The following OOSP1 variants were observed in gnomAD, a reference collection of about 807,000 sequenced individuals.
OOSP1 encodes putative oocyte-secreted protein 1 homolog.
A neutral mutation model predicts 5.7 loss-of-function variants in OOSP1; 11 were observed. The observed-to-expected ratio is 1.94, with a 90% CI of 1.22 to 3.20. The LOEUF is 3.20. OOSP1 is among the 30% of genes most tolerant of loss of function. The pLI is 0.00. For synonymous variants in OOSP1, 44 were observed against 20.0 expected, an observed-to-expected ratio of 2.20 and a Z score of -3.20; for missense variants, 83 against 54.1, an observed-to-expected ratio of 1.53 and a Z score of -1.67.
At chr11:59,950,310 A>G (rs998246107) in intron 4 of OOSP1, among the ~76,000 whole-genome samples, 2 of 152,172 alleles carry the variant, frequency 1.3e-5, no homozygotes, top group African/African-American at 4.8e-5. Flanking sequence ...TTGAATATAG[A>G]GGTCTAGAGT....
chr11:59,949,384 C>T (rs571083931), intron 4 of OOSP1, among the ~76,000 whole-genome samples: 1 of 151,780 alleles, frequency 6.6e-6, no homozygotes, highest in African/African-American at 2.4e-5. Flanking sequence ...GGAAGGCATC[C>T]GTCAAAGGTG....
At chr11:59,947,436 T>A (rs745683845) in intron 3 of OOSP1, among the ~76,000 whole-genome samples, 16 of 152,116 alleles carry the variant, frequency 1.1e-4, no homozygotes, top group Non-Finnish European at 2.1e-4. Context: ...TTATGCCAAA[T>A]TCAGGATGAG....
chr11:59,945,323 CA>C, intron 3 of OOSP1, 57 bp downstream of exon 3: 1 of 702,546 alleles, frequency 1.4e-6, no homozygotes, highest in Non-Finnish European at 2.6e-6. Context: ...ACTGTCCAGA[CA>C]AAAATGCCAA....
chr11:59,943,421 G>A (rs1376492762), intron 2 of OOSP1, among the ~76,000 whole-genome samples: 1 of 151,970 alleles, frequency 6.6e-6, no homozygotes, highest in East Asian at 1.9e-4. Flanking sequence ...CAAACTAGAA[G>A]TCATTAAGTG....
chr11:59,951,835 T>C (rs1477141193), intron 4 of OOSP1, among the ~76,000 whole-genome samples: 3 of 142,800 alleles, frequency 2.1e-5, no homozygotes, highest in Non-Finnish European at 4.5e-5. Context: ...GTTTCCAAAA[T>C]CATGCTTCCA....
chr11:59,954,604 T>TC (rs1345190649), intron 4 of OOSP1, among the ~76,000 whole-genome samples: 1 of 151,828 alleles, frequency 6.6e-6, no homozygotes, highest in African/African-American at 2.4e-5. Flanking sequence ...CAGTCCATTT[T>TC]CCACCAGAGA....
chr11:59,948,564 C>G (rs1184069909), intron 4 of OOSP1: 1 of 390,490 alleles, frequency 2.6e-6, no homozygotes, highest in Non-Finnish European at 4.5e-6. Context: ...CTTTCTTCTC[C>G]TCCCTTACCT....
chr11:59,955,293 A>G (rs150019569), intron 4 of OOSP1, among the ~76,000 whole-genome samples: 277 of 152,162 alleles, frequency 1.8e-3, no homozygotes, highest in African/African-American at 6.0e-3. Flanking sequence ...TATTATTTAT[A>G]TTGACTTCTT....
At chr11:59,953,605 G>C (rs547700766) in intron 4 of OOSP1, among the ~76,000 whole-genome samples, 1 of 152,230 alleles carries the variant, frequency 6.6e-6, no homozygotes, top group East Asian at 1.9e-4. Context: ...AAGACTTTTT[G>C]TATGTTTCTG....
intron 1 of OOSP1, 111 bp downstream of exon 1, chr11:59,938,641 A>G: frequency 2.5e-6 from 1 of 405,280 alleles, no homozygotes; most frequent in Non-Finnish European, 4.4e-6. Context: ...CCAAGGACAC[A>G]TGGAGGGGTG....
At chr11:59,950,826 G>A (rs1214296804) in intron 4 of OOSP1, among the ~76,000 whole-genome samples, 2 of 151,970 alleles carry the variant, frequency 1.3e-5, no homozygotes, top group African/African-American at 4.8e-5. Flanking sequence ...TAGAAATGGG[G>A]TCATTGTAGG....
At chr11:59,942,691 A>G (rs1565231076) in intron 1 of OOSP1, among the ~76,000 whole-genome samples, 156 bp from the exon 2 acceptor site, 1 of 152,204 alleles carries the variant, frequency 6.6e-6, no homozygotes, top group African/African-American at 2.4e-5. Context: ...TGAAGTAATA[A>G]TTCAGAGACC....
At chr11:59,952,086 G>A (rs1307778144) in intron 4 of OOSP1, among the ~76,000 whole-genome samples, 1 of 152,086 alleles carries the variant, frequency 6.6e-6, no homozygotes, top group Admixed American at 6.6e-5. Flanking sequence ...TGGAGCACTA[G>A]ATATCAAGAC....
At chr11:59,950,880 C>T (rs1853933315) in intron 4 of OOSP1, among the ~76,000 whole-genome samples, 1 of 151,272 alleles carries the variant, frequency 6.6e-6, no homozygotes, top group African/African-American at 2.4e-5. Context: ...AGTACCTGCA[C>T]ATGGTAATAG....
intron 1 of OOSP1, among the ~76,000 whole-genome samples, chr11:59,939,728 T>A (rs970787807): frequency 6.6e-6 from 1 of 151,796 alleles, no homozygotes; most frequent in South Asian, 2.1e-4. Context: ...CTCTTTCTCT[T>A]CTTTTTCTCT....
intron 4 of OOSP1, among the ~76,000 whole-genome samples, chr11:59,953,382 T>A (rs1230440335): frequency 6.6e-6 from 1 of 152,094 alleles, no homozygotes; most frequent in African/African-American, 2.4e-5. Flanking sequence ...ATCTCATATA[T>A]ATATATATTT....
intron 4 of OOSP1, among the ~76,000 whole-genome samples, chr11:59,949,718 C>T (rs1433951045): frequency 6.6e-6 from 1 of 152,066 alleles, no homozygotes. Flanking sequence ...CTGGAAAGCT[C>T]CAAATGGAGG....
chr11:59,940,124 A>G (rs185717633), intron 1 of OOSP1, among the ~76,000 whole-genome samples: 8 of 152,358 alleles, frequency 5.3e-5, no homozygotes, highest in African/African-American at 1.7e-4. Flanking sequence ...CAACAAGACA[A>G]CCTAGACCTG....
intron 1 of OOSP1, among the ~76,000 whole-genome samples, chr11:59,942,286 G>T (rs550440007): frequency 2.0e-5 from 3 of 152,228 alleles, no homozygotes; most frequent in African/African-American, 7.2e-5. Context: ...CATTTCCAGA[G>T]TAAAAAAACT....
Sources: allele counts gnomAD v4.1 joint callset (sites outside exome capture counted in the v4.1 genomes callset), GRCh38; gene constraint gnomAD v4.1.1; transcripts MANE v1.5; gene names NCBI Gene and HGNC (gene_info 2026-07-23, HGNC 2026-07-21).